Variants in IKZF1 observed in about 807,000 individuals in gnomAD.
The protein encoded by IKZF1 is IKAROS family zinc finger 1, also known as DNA-binding protein Ikaros.
Under a neutral mutation model 51.7 loss-of-function variants are expected in IKZF1, and 10 were observed. That is an observed-to-expected ratio of 0.19 (90% confidence interval 0.12 to 0.33). The LOEUF is 0.33. Among genes scored for constraint, IKZF1 ranks in the 10% least tolerant of loss-of-function variants. The pLI is 1.00. For synonymous variants in IKZF1, 280 were observed against 282.3 expected (o/e 0.99, Z 0.08); for missense variants, 484 against 707.5 (o/e 0.68, Z 3.58).
At chr7:50,342,706 G>A (rs1799335947) in intron 3 of IKZF1, among the ~76,000 whole-genome samples, 2 of 151,188 alleles carry the variant, frequency 1.3e-5, no homozygotes, top group Non-Finnish European at 2.9e-5. Flanking sequence ...CCTGCAGCCT[G>A]AGAAAGCAGT....
intron 3 of IKZF1, among the ~76,000 whole-genome samples, chr7:50,329,915 C>T (rs1292501468): frequency 6.6e-6 from 1 of 152,194 alleles, no homozygotes; most frequent in Non-Finnish European, 1.5e-5. Context: ...CTTTAGAGAA[C>T]TGAAAGTCAG....
chr7:50,328,797 G>A (rs906419955), intron 3 of IKZF1: 2 of 152,172 alleles, frequency 1.3e-5, no homozygotes, highest in Admixed American at 1.3e-4. Context: ...TTTTGGGCCG[G>A]GCATGGTGGC....
chr7:50,350,077 G>A (rs931674742), intron 3 of IKZF1, among the ~76,000 whole-genome samples: 7 of 152,166 alleles, frequency 4.6e-5, no homozygotes, highest in African/African-American at 1.7e-4. Context: ...CAGGGTGTAG[G>A]GAGGTGGGGC....
chr7:50,304,294 C>G (rs1445899072), upstream of IKZF1: 1 of 149,572 alleles, frequency 6.7e-6, no homozygotes, highest in Non-Finnish European at 1.5e-5. Flanking sequence ...CTCCGTGTCC[C>G]GCTCTGCGCC....
chr7:50,311,894 C>T (rs896787316), intron 1 of IKZF1, among the ~76,000 whole-genome samples: 14 of 152,086 alleles, frequency 9.2e-5, no homozygotes, highest in African/African-American at 3.1e-4. Flanking sequence ...AAGAAAAAAA[C>T]GTTTAAAATA....
At chr7:50,346,864 G>C (rs1159708518) in intron 3 of IKZF1, among the ~76,000 whole-genome samples, 1 of 152,138 alleles carries the variant, frequency 6.6e-6, no homozygotes, top group Non-Finnish European at 1.5e-5. Flanking sequence ...TTTCTGAGGG[G>C]CAGAGAGCTG....
intron 3 of IKZF1, among the ~76,000 whole-genome samples, chr7:50,361,065 C>T (rs1805056520): frequency 6.6e-6 from 1 of 152,158 alleles, no homozygotes; most frequent in African/African-American, 2.4e-5. Flanking sequence ...TATTGAGGAC[C>T]TCACACTCTT....
At chr7:50,309,731 A>G (rs951352589) in intron 1 of IKZF1, among the ~76,000 whole-genome samples, 3 of 152,200 alleles carry the variant, frequency 2.0e-5, no homozygotes, top group African/African-American at 7.2e-5. Flanking sequence ...GTTTTTGACA[A>G]ATTTTTGTTG....
At chr7:50,386,362 A>G (rs1813372738) in intron 5 of IKZF1, among the ~76,000 whole-genome samples, 1 of 152,198 alleles carries the variant, frequency 6.6e-6, no homozygotes, top group East Asian at 1.9e-4. Flanking sequence ...CAAAATTAAA[A>G]CTTCAGCCCT....
chr7:50,305,783 C>G (rs183031179), intron 1 of IKZF1, among the ~76,000 whole-genome samples: 1 of 152,322 alleles, frequency 6.6e-6, no homozygotes, highest in Admixed American at 6.5e-5. Context: ...TGTCTCCTTA[C>G]TAGTCCCATC....
At chr7:50,308,736 G>A (rs942975709) in intron 1 of IKZF1, 6 of 152,310 alleles carry the variant, frequency 3.9e-5, no homozygotes, top group African/African-American at 1.4e-4. Context: ...GAAGGCAGCA[G>A]AGGAACCTTT....
At chr7:50,387,492 C>A in intron 6 of IKZF1, 22 bp downstream of exon 6, 1 of 1,596,268 alleles carries the variant, frequency 6.3e-7, no homozygotes, top group Admixed American at 1.7e-5. Context: ...TGCTCGGAGG[C>A]CAGCCTGGTG....
intron 3 of IKZF1, among the ~76,000 whole-genome samples, chr7:50,334,569 GTGTA>G (rs1444854358): frequency 1.3e-5 from 2 of 151,514 alleles, no homozygotes; most frequent in Non-Finnish European, 2.9e-5. Context: ...TATATGGGGT[GTGTA>G]TGTGTGTGGT....
At chr7:50,372,160 TAAGAGACCC>T (rs1562852872) in intron 3 of IKZF1, among the ~76,000 whole-genome samples, 1 of 152,212 alleles carries the variant, frequency 6.6e-6, no homozygotes, top group Non-Finnish European at 1.5e-5. Context: ...CCTAGCTGGA[TAAGAGACCC>T]CCGTTTTCAT....
At position 50,400,076 on chromosome 7, in the gene IKZF1, G is replaced by A. The variant is rs148169768; in HGVS notation, c.1009G>A (p.Gly337Ser). ...LRPLVQTPPG[G>S]SEVVPVISPM... is the part of the protein sequence containing the mutation. ...CCCGCTGGTGCAGACGCCCCCGGGC[G>A]GTTCCGAGGTGGTCCCGGTCATCAG... Residue 337 changes from glycine (G) to serine (S), a missense_variant, in exon 8 of 8, where the codon GGT becomes AGT. Coordinates refer to ENST00000331340, the MANE Select transcript of IKZF1 (RefSeq NM_006060.6). This position sits in a 1 kb window ranked among gnomAD's most constrained non-coding sequence, Gnocchi z 5.4. The A allele has an allele frequency of 5.7e-4, 900 of 1,584,626 alleles. 5 individuals carry two copies. The African/African-American group carries it at 0.011, about 19-fold the overall frequency.
chr7:50,388,967 C>A (rs1814208907), intron 6 of IKZF1, among the ~76,000 whole-genome samples: 1 of 152,132 alleles, frequency 6.6e-6, no homozygotes, highest in African/African-American at 2.4e-5. Context: ...ATCTAATATA[C>A]ACATAGAATT....
intron 3 of IKZF1, among the ~76,000 whole-genome samples, chr7:50,370,645 C>T (rs1808390337): frequency 6.6e-6 from 1 of 152,210 alleles, no homozygotes; most frequent in Admixed American, 6.5e-5. Flanking sequence ...AACATCCACT[C>T]TTCATATTTA....
chr7:50,387,329 AT>A lies in IKZF1; in HGVS notation c.590-14del. 6.2e-7 allele frequency: 1 copy of A among 1,612,010 alleles called. No individual in the cohort carries two copies. ...GCATTTAATTGGGGTCTTGAACTCA[AT>A]TGTGTTTTCTGCAGTTGGTAAACCT... On this transcript the variant is annotated splice_polypyrimidine_tract_variant and intron_variant, in intron 5 of 7. Coordinates refer to ENST00000331340, the MANE Select transcript of IKZF1 (RefSeq NM_006060.6).
In IKZF1 at chr7:50,404,865, CT is replaced by C; in HGVS notation, c.*4242del. 1 of 220,822 alleles carries C rather than the reference CT, an allele frequency of 4.5e-6. No homozygotes were observed. Among genetic ancestry groups the C allele is most frequent in the Non-Finnish European group, 9.1e-6 (1 of 110,242 alleles). 13.7% of individuals were successfully genotyped at this position (220,822 alleles called of 1,614,324 possible). ...TGTAAATCTTGAGTATTCATTTACC[CT>C]TTTCTGATCTCCTGGAAACAGCTGC... On this transcript the variant is annotated 3_prime_UTR_variant, in exon 8 of 8. Coordinates refer to ENST00000331340, the MANE Select transcript of IKZF1 (RefSeq NM_006060.6).
Sources: gnomAD v4.1 joint callset for allele counts (sites outside exome capture counted in the v4.1 genomes callset) on GRCh38, gnomAD v4.1.1 for gene constraint, Gnocchi (gnomAD v3.1) non-coding constraint, MANE v1.5 for transcripts, NCBI Gene and HGNC (gene_info 2026-07-23, HGNC 2026-07-21) for gene names.